Variants in SORCS3 observed in about 807,000 individuals in gnomAD.
SORCS3 encodes the protein sortilin related VPS10 domain containing receptor 3, also known as VPS10 domain-containing receptor SorCS3.
SORCS3 carries 57 observed loss-of-function variants against 146.3 expected under a neutral mutation model. The ratio of observed to expected loss-of-function variants is 0.39; its 90% CI spans 0.31 to 0.49. SORCS3 has a LOEUF of 0.49. Ranked by LOEUF, SORCS3 falls within the 20% of genes least tolerant of loss-of-function variation. The pLI, the probability that SORCS3 is intolerant of heterozygous loss-of-function variation, is 0.92. For synonymous variants in SORCS3, 653 were observed against 618.5 expected (o/e 1.06, Z -0.83); for missense variants, 1,341 against 1,575.5 (o/e 0.85, Z 2.52).
intron 4 of SORCS3, among the ~76,000 whole-genome samples, chr10:105,005,426 A>G (rs1447011518): frequency 6.6e-6 from 1 of 152,210 alleles, no homozygotes; most frequent in Non-Finnish European, 1.5e-5. Context: ...ATATAAGATA[A>G]AGGGAGGAAA....
chr10:105,142,959 A>T (rs1243121816), intron 8 of SORCS3, among the ~76,000 whole-genome samples: 1 of 152,150 alleles, frequency 6.6e-6, no homozygotes, highest in African/African-American at 2.4e-5. Context: ...ATTTCCCCAA[A>T]TACTGATTTA....
At chr10:105,125,049 G>A (rs1323555163) in intron 7 of SORCS3, among the ~76,000 whole-genome samples, 1 of 152,106 alleles carries the variant, frequency 6.6e-6, no homozygotes, top group African/African-American at 2.4e-5. Flanking sequence ...TTTCTTCTTA[G>A]GTGTTCTTTG....
chr10:104,704,083 G>C (rs2016310121), intron 1 of SORCS3, among the ~76,000 whole-genome samples: 2 of 151,904 alleles, frequency 1.3e-5, no homozygotes, highest in Admixed American at 1.3e-4. Flanking sequence ...AGAATAACAT[G>C]GTTATTTAAA....
At chr10:105,082,936 G>A (rs563092671) in intron 5 of SORCS3, among the ~76,000 whole-genome samples, 1 of 151,972 alleles carries the variant, frequency 6.6e-6, no homozygotes, top group Non-Finnish European at 1.5e-5. Flanking sequence ...CATCATGTTG[G>A]TCAGGCTGGT....
intron 3 of SORCS3, among the ~76,000 whole-genome samples, chr10:104,957,971 G>A (rs1367783894): frequency 1.3e-5 from 2 of 152,058 alleles, no homozygotes; most frequent in African/African-American, 4.8e-5. Context: ...ATTTGCAGCC[G>A]AAGGGATGAT....
chr10:105,135,767 G>T (rs1323635601), intron 7 of SORCS3, among the ~76,000 whole-genome samples: 2 of 152,104 alleles, frequency 1.3e-5, no homozygotes, highest in Admixed American at 6.6e-5. Flanking sequence ...CAAGTTTTTT[G>T]CCGCTTTATA....
intron 1 of SORCS3, among the ~76,000 whole-genome samples, chr10:104,819,932 C>T (rs1199396272): frequency 1.3e-5 from 2 of 152,132 alleles, no homozygotes; most frequent in Non-Finnish European, 2.9e-5. Flanking sequence ...TCAAACCTGC[C>T]GTTTATTGTG....
intron 3 of SORCS3, among the ~76,000 whole-genome samples, chr10:104,975,356 A>T (rs2133647416): frequency 6.6e-6 from 1 of 152,186 alleles, no homozygotes; most frequent in Admixed American, 6.5e-5. Flanking sequence ...CTTACAAGGG[A>T]TGTGAAGGAC....
intron 1 of SORCS3, among the ~76,000 whole-genome samples, chr10:104,801,946 A>C (rs1261779465): frequency 6.6e-6 from 1 of 152,188 alleles, no homozygotes; most frequent in Non-Finnish European, 1.5e-5. Flanking sequence ...TTGATGTTAA[A>C]ATGGGAATTG....
At chr10:105,114,221 T>G (rs1221575462) in intron 7 of SORCS3, among the ~76,000 whole-genome samples, 8 of 152,000 alleles carry the variant, frequency 5.3e-5, no homozygotes, top group Non-Finnish European at 8.8e-5. Context: ...GCACAGAGGG[T>G]GGCCTTCAAT....
rs200408993 is a variant in SORCS3, at chr10:105,157,242, T to A, written c.1587T>A (p.Ala529=). The change falls in exon 10 of 27, where the codon GCT becomes GCA. Residue 529 remains alanine, a synonymous_variant. Transcript: ENST00000369701. ...NKGRDWRLLQ[A]PDVDLRGSPV... Reference sequence around the variant, plus strand: ...GCAGGGATTGGCGCCTGCTGCAAGCTCCGGATGTGGACCTGAGAGGAAGCC... The same window carrying A: ...GCAGGGATTGGCGCCTGCTGCAAGCACCGGATGTGGACCTGAGAGGAAGCC... 7.4e-5 allele frequency: 119 copies of A among 1,614,008 alleles called. No individual in the cohort carries two copies. The East Asian group carries it at 2.6e-3, about 35-fold the overall frequency.
intron 7 of SORCS3, among the ~76,000 whole-genome samples, chr10:105,114,393 C>T (rs1254413016): frequency 6.6e-6 from 1 of 152,152 alleles, no homozygotes; most frequent in Non-Finnish European, 1.5e-5. Context: ...CTTGCCTCTG[C>T]CAGGTCTTTC....
In SORCS3 at chr10:104,722,974, T is replaced by C. The variant is rs571567358; in HGVS notation, c.627+81020T>C. On this transcript the variant is annotated intron_variant, in intron 1 of 26. Coordinates refer to ENST00000369701, the MANE Select transcript of SORCS3 (RefSeq NM_014978.3). ...TTTGAAGGGTTTTTTGTGTCTCTAT[T>C]TCCTTCAGTTCTGCTCTGATCTTAG... is the stretch of plus-strand genomic sequence containing the variant. Among the ~76,000 whole-genome samples, 79 of 152,280 alleles carry C rather than the reference T, an allele frequency of 5.2e-4. 1 individual carries two copies. The East Asian group carries it at 0.015, about 29-fold the overall frequency.
chr10:104,952,255 G>GGAA (rs2019439571), intron 3 of SORCS3, among the ~76,000 whole-genome samples: 3 of 40,608 alleles, frequency 7.4e-5, no homozygotes, highest in Non-Finnish European at 1.3e-4. Flanking sequence ...ATGAATGTTT[G>GGAA]AAAAAAAAAA....
At chr10:104,921,929 C>T (rs1476272496) in intron 3 of SORCS3, among the ~76,000 whole-genome samples, 1 of 152,176 alleles carries the variant, frequency 6.6e-6, no homozygotes, top group Non-Finnish European at 1.5e-5. Flanking sequence ...GGGAATATTA[C>T]ATCCTGCATT....
chr10:105,132,516 G>C (rs1027239128), intron 7 of SORCS3, among the ~76,000 whole-genome samples: 4 of 152,164 alleles, frequency 2.6e-5, no homozygotes, highest in Non-Finnish European at 5.9e-5. Context: ...GCTAGGAAAT[G>C]ACTCAAGGCC....
chr10:105,177,055 A>T (rs959888314), intron 13 of SORCS3, among the ~76,000 whole-genome samples: 8 of 151,930 alleles, frequency 5.3e-5, no homozygotes, highest in Non-Finnish European at 7.4e-5. Context: ...GGGTTTTTCA[A>T]TGATAAGACA....
chr10:105,218,105 C>CT (rs2056676293), intron 19 of SORCS3, among the ~76,000 whole-genome samples: 2 of 152,156 alleles, frequency 1.3e-5, no homozygotes, highest in African/African-American at 4.8e-5. Flanking sequence ...CCCTGGCAAA[C>CT]AGTAAGCTAG....
At chr10:104,892,348 A>G (rs1440018319) in intron 2 of SORCS3, among the ~76,000 whole-genome samples, 1 of 152,214 alleles carries the variant, frequency 6.6e-6, no homozygotes, top group Non-Finnish European at 1.5e-5. Flanking sequence ...CAATAAAAAC[A>G]TCTGCTGCAT....
Sources: gnomAD v4.1 joint callset for allele counts (sites outside exome capture counted in the v4.1 genomes callset) on GRCh38, gnomAD v4.1.1 for gene constraint, MANE v1.5 for transcripts, NCBI Gene and HGNC (gene_info 2026-07-23, HGNC 2026-07-21) for gene names.